Variants in ADGRL2 observed in about 807,000 individuals in gnomAD.
ADGRL2 encodes the protein calcium-independent alpha-latrotoxin receptor 2.
ADGRL2 carries 44 observed loss-of-function variants against 157.4 expected under a neutral mutation model. The ratio of observed to expected loss-of-function variants is 0.28; its 90% CI spans 0.22 to 0.36. The LOEUF (loss-of-function observed/expected upper bound fraction) is 0.36, where lower values mean the gene tolerates loss of function less well. Ranked by LOEUF, ADGRL2 falls within the 10% of genes least tolerant of loss-of-function variation. The pLI is 1.00. For missense variants in ADGRL2, 1,510 were observed against 1,768.9 expected (o/e 0.85, Z 2.63); for synonymous variants, 585 against 624.7 (o/e 0.94, Z 0.95).
chr1:81,609,121 C>T (rs1196162834), intron 3 of ADGRL2, among the ~76,000 whole-genome samples: 1 of 151,808 alleles, frequency 6.6e-6, no homozygotes, highest in Non-Finnish European at 1.5e-5. Flanking sequence ...CTCACTACAA[C>T]CTCTGCCTCC....
Position 81,319,032 on chromosome 1 carries a change from C to T in ADGRL2, c.-302+12523C>T, listed in dbSNP as rs1660312577. ...TCCCAGCTCACCGCAACCTCCACCTCCCAGGTTCAAGCGATTCTCCTGCCT... is the reference window on the plus strand; with the variant it reads ...TCCCAGCTCACCGCAACCTCCACCTTCCAGGTTCAAGCGATTCTCCTGCCT... On this transcript the variant is annotated intron_variant, in intron 1 of 24. Coordinates refer to the ADGRL2 transcript ENST00000370721. Among the ~76,000 whole-genome samples, 6 of 144,450 alleles carry T rather than the reference C, an allele frequency of 4.2e-5. No homozygotes were observed. The South Asian group carries it at 1.3e-3, about 31-fold the overall frequency. The allele number at this position is 144,450 out of a possible 152,430, so 94.8% of individuals were successfully genotyped here. A position where few individuals can be genotyped will look rare whatever the true frequency, so the allele number is the denominator to read the frequency against.
At position 81,955,899 on chromosome 1, in the gene ADGRL2, A is replaced by G. The variant is rs757757087; in HGVS notation, c.1856A>G (p.Asn619Ser). 19 of 1,596,414 alleles carry G rather than the reference A, an allele frequency of 1.2e-5. No homozygotes were observed. The highest frequency in any genetic ancestry group is 2.7e-5 in the African/African-American group (2 of 73,932). The change falls in exon 11 of 24, where the codon AAC (asparagine) becomes AGC (serine). Residue 619 changes from asparagine (N) to serine (S), a missense_variant. By Grantham distance (46) the Asn-to-Ser change is conservative (BLOSUM62 1). This residue lies in a region of ADGRL2 where 325 missense variants were observed against 333.2 expected (regional missense o/e 0.98). Coordinates refer to ENST00000686636, the MANE Select transcript of ADGRL2 (RefSeq NM_001366006.2). ...YLKAIVDTVD[N>S]LLRPEALESW... ...CAGGCAATTGTTGACACAGTGGACA[A>G]CCTTCTGAGACCCGAAGCTTTGGAA...
chr1:81,843,681 T>A (rs571976180), intron 2 of ADGRL2, among the ~76,000 whole-genome samples: 2 of 152,328 alleles, frequency 1.3e-5, no homozygotes, highest in South Asian at 4.1e-4. Context: ...GTAAATATGT[T>A]ACAAATGTGA....
At chr1:81,884,317 G>A (rs937542370) in intron 2 of ADGRL2, among the ~76,000 whole-genome samples, 5 of 151,564 alleles carry the variant, frequency 3.3e-5, no homozygotes, top group Non-Finnish European at 5.9e-5. Flanking sequence ...AACAACCTGT[G>A]CTAGTGAATG....
Position 81,639,540 on chromosome 1 carries a change from C to CAAAAAA in ADGRL2, c.-143+58580_-143+58585dup, listed in dbSNP as rs56281820. 2.8e-4 allele frequency among the ~76,000 whole-genome samples: 23 copies of CAAAAAA among 82,986 alleles called. 1 individual carries two copies. Among genetic ancestry groups the CAAAAAA allele is most frequent in the South Asian group, 6.6e-4 (1 of 1,506 alleles). The allele number at this position is 82,986 out of a possible 152,430, so 54.4% of individuals were successfully genotyped here. ...CCAATGTAGTGAGACTCCATCTCTA[C>CAAAAAA]AAAAAAAAAAAAAAAAAAAAAAAAA... On this transcript the variant is annotated intron_variant, in intron 3 of 24. Coordinates refer to the ADGRL2 transcript ENST00000370721.
intron 2 of ADGRL2, chr1:81,502,119 A>G: frequency 6.3e-7 from 1 of 1,599,396 alleles, no homozygotes. Flanking sequence ...GTGGCTGAGA[A>G]AGAAACCCAG....
intron 1 of ADGRL2, among the ~76,000 whole-genome samples, chr1:81,370,227 C>CT: frequency 6.6e-6 from 1 of 151,938 alleles, no homozygotes; most frequent in Non-Finnish European, 1.5e-5. Flanking sequence ...GATTTTTTAC[C>CT]TTTTTTATAG....
At chr1:81,746,920 A>G (rs2085272432) in intron 1 of ADGRL2, among the ~76,000 whole-genome samples, 1 of 149,408 alleles carries the variant, frequency 6.7e-6, no homozygotes, top group African/African-American at 2.4e-5. Context: ...GCACACGTAT[A>G]TACGTATATA....
intron 2 of ADGRL2, among the ~76,000 whole-genome samples, chr1:81,868,327 A>G (rs1437815740): frequency 6.6e-6 from 1 of 151,992 alleles, no homozygotes; most frequent in Non-Finnish European, 1.5e-5. Flanking sequence ...GGCTACTTTC[A>G]TTTTTGTCCT....
chr1:81,403,999 T>G (rs2076809759), intron 1 of ADGRL2, among the ~76,000 whole-genome samples: 1 of 152,100 alleles, frequency 6.6e-6, no homozygotes, highest in Admixed American at 6.5e-5. Flanking sequence ...GGTTTTGCCA[T>G]GGTGGCCAGG....
intron 2 of ADGRL2, among the ~76,000 whole-genome samples, chr1:81,532,032 T>C (rs1395687441): frequency 6.6e-6 from 1 of 152,210 alleles, no homozygotes; most frequent in Non-Finnish European, 1.5e-5. Context: ...GAATTAAAAC[T>C]AAATTCGAAT....
At chr1:81,470,574 ATCT>A (rs1265735706) in intron 2 of ADGRL2, among the ~76,000 whole-genome samples, 1 of 152,204 alleles carries the variant, frequency 6.6e-6, no homozygotes, top group Non-Finnish European at 1.5e-5. Flanking sequence ...TTTCAAATAA[ATCT>A]TCTTTCGGAG....
chr1:81,970,483 T>G lies in ADGRL2; in HGVS notation c.2903T>G (p.Val968Gly), dbSNP rs1027918840. Reference protein sequence around the residue: ...YVAGYLFPATVVGVSAAIDYK... With the variant: ...YVAGYLFPATGVGVSAAIDYK... Reference sequence around the variant, plus strand: ...GCTGGTTACTTGTTTCCTGCCACAGTGGTTGGAGTTTCAGCTGCTATTGAC... The same window carrying G: ...GCTGGTTACTTGTTTCCTGCCACAGGGGTTGGAGTTTCAGCTGCTATTGAC... Residue 968 changes from valine to glycine, a missense_variant, in exon 16 of 24, where the codon GTG becomes GGG. By Grantham distance (109) the Val-to-Gly change is moderately radical. Coordinates refer to ENST00000686636, the MANE Select transcript of ADGRL2 (RefSeq NM_001366006.2). 1.6e-5 allele frequency: 26 copies of G among 1,577,062 alleles called. No homozygotes were observed. Among genetic ancestry groups the G allele is most frequent in the Non-Finnish European group, 2.1e-5 (25 of 1,168,210 alleles).
At chr1:81,336,547 C>G (rs555112580) in intron 1 of ADGRL2, among the ~76,000 whole-genome samples, 1 of 152,022 alleles carries the variant, frequency 6.6e-6, no homozygotes, top group African/African-American at 2.4e-5. Context: ...CCCTGAGGAT[C>G]GCCAATGTGA....
At chr1:81,393,565 T>G (rs2076598230) in intron 1 of ADGRL2, among the ~76,000 whole-genome samples, 1 of 152,156 alleles carries the variant, frequency 6.6e-6, no homozygotes, top group African/African-American at 2.4e-5. Context: ...TTTTAATTAC[T>G]TAAGCATTGT....
intron 1 of ADGRL2, among the ~76,000 whole-genome samples, chr1:81,428,626 G>A (rs910993247): frequency 2.0e-5 from 3 of 152,178 alleles, no homozygotes; most frequent in Non-Finnish European, 4.4e-5. Flanking sequence ...AAGAGTAAAG[G>A]ATTTTTAGGG....
intron 2 of ADGRL2, chr1:81,557,501 GAAA>G (rs2080329691): frequency 2.4e-5 from 1 of 41,938 alleles, no homozygotes; most frequent in African/African-American, 9.6e-5. Context: ...AAGAAAGAAA[GAAA>G]GAAAGAAAGA....
At chr1:81,535,976 G>C (rs1055476482) in intron 2 of ADGRL2, among the ~76,000 whole-genome samples, 1 of 152,138 alleles carries the variant, frequency 6.6e-6, no homozygotes, top group Admixed American at 6.5e-5. Flanking sequence ...CATACAAACA[G>C]TGTAAATAAA....
chr1:81,532,562 T>C (rs1040402727), intron 2 of ADGRL2, among the ~76,000 whole-genome samples: 2 of 147,582 alleles, frequency 1.4e-5, no homozygotes, highest in Non-Finnish European at 3.0e-5. Context: ...AAATTTATCA[T>C]ATAATTTAGT....
Sources: gnomAD v4.1 joint callset for allele counts (sites outside exome capture counted in the v4.1 genomes callset) on GRCh38, gnomAD v4.1.1 for gene constraint, gnomAD v4.1.1 regional missense constraint, MANE v1.5 for transcripts, NCBI Gene and HGNC (gene_info 2026-07-23, HGNC 2026-07-21) for gene names.